The following HSPBAP1 variants were observed in gnomAD, a reference collection of about 807,000 sequenced individuals.
The protein encoded by HSPBAP1 is HSPB1-associated protein 1.
A neutral mutation model predicts 45.2 loss-of-function variants in HSPBAP1; 27 were observed. The ratio of observed to expected loss-of-function variants is 0.60; its 90% CI spans 0.44 to 0.82. HSPBAP1 has a LOEUF of 0.82. HSPBAP1 is among the 40% of genes least tolerant of loss of function. The probability of loss-of-function intolerance (pLI) is 0.00; values close to 1 mark genes in which losing one functional copy is unlikely to be tolerated. For missense variants in HSPBAP1, 510 were observed against 590.9 expected (o/e 0.86, Z 1.42); for synonymous variants, 204 against 202.7 (o/e 1.01, Z -0.06).
At chr3:122,778,804 A>C (rs1246639331) in intron 1 of HSPBAP1, among the ~76,000 whole-genome samples, 1 of 152,124 alleles carries the variant, frequency 6.6e-6, no homozygotes, top group Non-Finnish European at 1.5e-5. Flanking sequence ...TGCTGGAATT[A>C]CAGACGTGAG....
rs1027099249 is a variant in HSPBAP1 at position 122,752,714 on chromosome 3, C to T, written c.742-40G>A. ...AAGAATGGTTAGCACAAGAACAGGA[C>T]GTTTCATTTTTATGTCAGAATCAGA... On this transcript the variant is annotated intron_variant, in intron 5 of 7. Transcript: ENST00000306103. The T allele has an allele frequency of 1.6e-5, 25 of 1,524,986 alleles. No homozygotes were observed. In the Admixed American group the frequency reaches 2.1e-4, roughly 13 times the overall value. The allele number at this position is 1,524,986 out of a possible 1,614,324, so 94.5% of individuals were successfully genotyped here. A position where few individuals can be genotyped will look rare whatever the true frequency, so the allele number is the denominator to read the frequency against.
chr3:122,765,207 G>A (rs760286368), intron 3 of HSPBAP1, among the ~76,000 whole-genome samples: 6 of 152,122 alleles, frequency 3.9e-5, no homozygotes, highest in Non-Finnish European at 5.9e-5. Flanking sequence ...TCCATTTAAG[G>A]GGCTGTTTGA....
chr3:122,746,730 C>A (rs939167475), intron 6 of HSPBAP1, among the ~76,000 whole-genome samples: 2 of 151,984 alleles, frequency 1.3e-5, no homozygotes, highest in African/African-American at 2.4e-5. Context: ...CTGCTGCCAT[C>A]TCGGCTCACT....
intron 3 of HSPBAP1, among the ~76,000 whole-genome samples, chr3:122,765,042 T>C (rs1358833121): frequency 6.6e-6 from 1 of 152,206 alleles, no homozygotes; most frequent in Non-Finnish European, 1.5e-5. Flanking sequence ...GCAGGTGATT[T>C]GGTAATGAAT....
chr3:122,765,069 C>T (rs1934728245), intron 3 of HSPBAP1, among the ~76,000 whole-genome samples: 1 of 152,058 alleles, frequency 6.6e-6, no homozygotes, highest in African/African-American at 2.4e-5. Context: ...GTCTGATGGC[C>T]AGTGATGCTT....
chr3:122,746,297 GT>G (rs55924449), intron 6 of HSPBAP1, among the ~76,000 whole-genome samples: 27,618 of 138,554 alleles, frequency 0.2, 2,946 homozygotes, highest in African/African-American at 0.25. Context: ...AAATCAAAAG[GT>G]TTTTTTTTTT....
intron 2 of HSPBAP1, among the ~76,000 whole-genome samples, chr3:122,775,068 G>A (rs72966397): frequency 0.042 from 6,379 of 151,362 alleles, 441 homozygotes; most frequent in African/African-American, 0.14. Flanking sequence ...GAAATATTAC[G>A]TAGCCATTGA....
chr3:122,740,526 T>C lies in HSPBAP1; in HGVS notation c.1286A>G (p.His429Arg), dbSNP rs1933625122. The C allele has an allele frequency of 1.5e-5, 24 of 1,614,120 alleles. No individual in the cohort carries two copies. The highest frequency in any genetic ancestry group is 1.9e-5 in the Non-Finnish European group (23 of 1,180,052). ...CATTATTTGTTGTCTCTTGGCACAA[T>C]GCAATTTTCCAAAGTGTTCTCCATC... is the stretch of plus-strand genomic sequence containing the variant. ...DKDGEHFGKL[H>R]CAKRQQIMSN... Residue 429 changes from histidine to arginine, a missense_variant, in exon 8 of 8, where the codon CAT becomes CGT. By Grantham distance (29) the His-to-Arg change is conservative. Transcript: ENST00000306103.
At chr3:122,777,214 T>C (rs1935216801) in intron 2 of HSPBAP1, among the ~76,000 whole-genome samples, 1 of 152,188 alleles carries the variant, frequency 6.6e-6, no homozygotes, top group Admixed American at 6.5e-5. Flanking sequence ...GTTTCATGTT[T>C]GTGCAATGCA....
intron 3 of HSPBAP1, among the ~76,000 whole-genome samples, chr3:122,765,392 C>T (rs764903623): frequency 4.1e-4 from 62 of 152,024 alleles, no homozygotes; most frequent in Non-Finnish European, 7.5e-4. Context: ...GCCAGCCTGG[C>T]CAACATGGTG....
chr3:122,777,765 C>T lies in HSPBAP1; in HGVS notation c.206G>A (p.Gly69Asp). 1 of 1,613,916 alleles carries T rather than the reference C, an allele frequency of 6.2e-7. No individual in the cohort carries two copies. Among genetic ancestry groups the T allele is most frequent in the South Asian group, 1.1e-5 (1 of 91,056 alleles). The change falls in exon 2 of 8, where the codon GGC (glycine) becomes GAC (aspartate). Residue 69 changes from glycine to aspartate, a missense_variant. Physicochemically the swap from Gly to Asp is moderately conservative, Grantham distance 94. Coordinates refer to ENST00000306103, the MANE Select transcript of HSPBAP1 (RefSeq NM_024610.6). ...NAKYLSQVLH[G>D]KQIRFRMGMK... Reference sequence around the variant, plus strand: ...CCCCATTCTGAATCGTATCTGCTTGCCATGAAGGACCTGCGAAAGGTATTT... The same window carrying T: ...CCCCATTCTGAATCGTATCTGCTTGTCATGAAGGACCTGCGAAAGGTATTT...
intron 1 of HSPBAP1, among the ~76,000 whole-genome samples, chr3:122,786,710 C>A (rs1319623885): frequency 6.6e-6 from 1 of 152,102 alleles, no homozygotes; most frequent in Non-Finnish European, 1.5e-5. Context: ...ATATTAAATG[C>A]CAAAACATTT....
chr3:122,759,867 T>C (rs1934506753), intron 3 of HSPBAP1, among the ~76,000 whole-genome samples: 1 of 152,204 alleles, frequency 6.6e-6, no homozygotes, highest in South Asian at 2.1e-4. Flanking sequence ...ATACGCAACT[T>C]ACTAACTTTG....
intron 2 of HSPBAP1, among the ~76,000 whole-genome samples, chr3:122,776,475 T>C (rs1001380589): frequency 2.6e-5 from 4 of 152,222 alleles, no homozygotes; most frequent in Admixed American, 2.0e-4. Context: ...TAATACCGTA[T>C]GTGCAAAGTA....
chr3:122,783,773 A>G (rs879401116), intron 1 of HSPBAP1, among the ~76,000 whole-genome samples: 1 of 144,924 alleles, frequency 6.9e-6, no homozygotes, highest in African/African-American at 2.6e-5. Flanking sequence ...CTCAGCCTTT[A>G]TTACCCATCT....
At chr3:122,747,215 T>C (rs1933907344) in intron 6 of HSPBAP1, among the ~76,000 whole-genome samples, 2 of 150,294 alleles carry the variant, frequency 1.3e-5, no homozygotes, top group Admixed American at 1.3e-4. Flanking sequence ...GAGGAGTGCC[T>C]CTTCCCGGCT....
chr3:122,777,484 AT>A (rs1240480255), intron 2 of HSPBAP1, among the ~76,000 whole-genome samples: 1 of 152,208 alleles, frequency 6.6e-6, no homozygotes, highest in Non-Finnish European at 1.5e-5. Context: ...GAACAAATAC[AT>A]TTTGTATGGG....
intron 6 of HSPBAP1, among the ~76,000 whole-genome samples, chr3:122,747,266 G>A (rs1410479137): frequency 3.3e-5 from 5 of 150,644 alleles, no homozygotes; most frequent in South Asian, 2.1e-4. Flanking sequence ...CTGCCCGGCC[G>A]CCCATCGTCT....
chr3:122,787,927 G>C (rs952945116), intron 1 of HSPBAP1, among the ~76,000 whole-genome samples: 3 of 152,064 alleles, frequency 2.0e-5, no homozygotes, highest in African/African-American at 4.8e-5. Flanking sequence ...TCTCCTGAAA[G>C]GTAACATAAT....
Sources: allele counts gnomAD v4.1 joint callset (sites outside exome capture counted in the v4.1 genomes callset), GRCh38; gene constraint gnomAD v4.1.1; transcripts MANE v1.5; gene names NCBI Gene and HGNC (gene_info 2026-07-23, HGNC 2026-07-21).